SMAD1: variants seen among roughly 807,000 people sequenced by gnomAD.
The protein encoded by SMAD1 is MAD, mothers against decapentaplegic homolog 1.
Under a neutral mutation model 41.6 loss-of-function variants are expected in SMAD1, and 6 were observed. That is an observed-to-expected ratio of 0.14 (90% CI 0.08 to 0.28). The LOEUF is 0.28. Ranked by LOEUF, SMAD1 falls within the 10% of genes least tolerant of loss-of-function variation. The pLI, the probability that SMAD1 is intolerant of heterozygous loss-of-function variation, is 1.00. For synonymous variants in SMAD1, 206 were observed against 203.2 expected, an observed-to-expected ratio of 1.01 and a Z score of -0.12; for missense variants, 379 against 582.6, an observed-to-expected ratio of 0.65 and a Z score of 3.60.
chr4:145,549,113 G>A (rs1324540718), intron 5 of SMAD1, among the ~76,000 whole-genome samples: 1 of 152,114 alleles, frequency 6.6e-6, no homozygotes, highest in Non-Finnish European at 1.5e-5. Context: ...AAAAGACAAA[G>A]GTATGGAAAT....
chr4:145,537,970 T>G (rs538469038), intron 2 of SMAD1, among the ~76,000 whole-genome samples: 2 of 152,294 alleles, frequency 1.3e-5, no homozygotes, highest in South Asian at 4.1e-4. Flanking sequence ...GCGTGTGTGT[T>G]GTGAGAGGGA....
chr4:145,556,458 C>CT (rs1347074022), intron 6 of SMAD1, among the ~76,000 whole-genome samples: 1 of 151,480 alleles, frequency 6.6e-6, no homozygotes, highest in African/African-American at 2.4e-5. Flanking sequence ...CTTTTTTCTT[C>CT]TTTTTTTTCT....
chr4:145,526,153 A>G (rs969452207), intron 2 of SMAD1, among the ~76,000 whole-genome samples: 3 of 152,220 alleles, frequency 2.0e-5, no homozygotes, highest in African/African-American at 7.2e-5. Flanking sequence ...CTAATTGCCC[A>G]GTGGCCTGTC....
chr4:145,538,733 A>G (rs896152342), intron 2 of SMAD1, among the ~76,000 whole-genome samples: 7 of 152,160 alleles, frequency 4.6e-5, no homozygotes, highest in African/African-American at 9.7e-5. Flanking sequence ...CCTCTCATGC[A>G]GTTTATGAAA....
In SMAD1 at chr4:145,546,683, TA is replaced by T; in HGVS notation, c.776-18del. On this transcript the variant is annotated intron_variant, in intron 4 of 6. Coordinates refer to ENST00000302085, the MANE Select transcript of SMAD1 (RefSeq NM_005900.3). ...CCTGAGGCACTAACCTTGGTTGATA[TA>T]ACATTTTCTTTCCTCTAGATGTTCA... 1 of 1,584,678 alleles carries T rather than the reference TA, an allele frequency of 6.3e-7. No homozygotes were observed. Among genetic ancestry groups the T allele is most frequent in the Non-Finnish European group, 8.7e-7 (1 of 1,154,768 alleles).
intron 1 of SMAD1, among the ~76,000 whole-genome samples, chr4:145,511,276 T>A (rs948511682): frequency 2.7e-5 from 4 of 146,184 alleles, no homozygotes; most frequent in Admixed American, 6.6e-5. Flanking sequence ...TAATCATTTT[T>A]AAAATTTTTA....
chr4:145,549,497 A>G (rs559138433), intron 5 of SMAD1, among the ~76,000 whole-genome samples: 1 of 152,210 alleles, frequency 6.6e-6, no homozygotes, highest in Non-Finnish European at 1.5e-5. Flanking sequence ...AGCAGTGGGG[A>G]AGGAGAGCCC....
intron 5 of SMAD1, among the ~76,000 whole-genome samples, chr4:145,551,235 C>A (rs1400120750): frequency 6.6e-6 from 1 of 152,126 alleles, no homozygotes; most frequent in African/African-American, 2.4e-5. Flanking sequence ...TGAAGCATAG[C>A]AAATCAGTAG....
intron 1 of SMAD1, among the ~76,000 whole-genome samples, chr4:145,507,513 T>C (rs564458182): frequency 1.3e-5 from 2 of 152,218 alleles, no homozygotes; most frequent in Admixed American, 6.5e-5. Context: ...TCTCTTTTTT[T>C]CCCTATTATA....
chr4:145,532,117 G>A (rs1401011517), intron 2 of SMAD1, among the ~76,000 whole-genome samples: 1 of 152,136 alleles, frequency 6.6e-6, no homozygotes, highest in East Asian at 1.9e-4. Flanking sequence ...ATGCTTTTCC[G>A]TGTACCTTAG....
intron 2 of SMAD1, among the ~76,000 whole-genome samples, chr4:145,529,522 C>T (rs1461320021): frequency 6.6e-6 from 1 of 152,174 alleles, no homozygotes; most frequent in South Asian, 2.1e-4. Flanking sequence ...CAGCTAAGAC[C>T]GTGGGCTATC....
chr4:145,515,170 G>GTGTGTGTC (rs1553945853), intron 2 of SMAD1, among the ~76,000 whole-genome samples, 157 bp downstream of exon 2: 2,120 of 149,936 alleles, frequency 0.014, 28 homozygotes, highest in South Asian at 0.026. Context: ...GTGTGTGTGT[G>GTGTGTGTC]TGTGTGTCTG....
At chr4:145,495,762 T>C in intron 1 of SMAD1, among the ~76,000 whole-genome samples, 1 of 148,266 alleles carries the variant, frequency 6.7e-6, no homozygotes, top group Non-Finnish European at 1.5e-5. Flanking sequence ...ACTACAGGCA[T>C]GCACCACAGT....
At chr4:145,551,076 A>G (rs1732532455) in intron 5 of SMAD1, among the ~76,000 whole-genome samples, 1 of 152,228 alleles carries the variant, frequency 6.6e-6, no homozygotes, top group Non-Finnish European at 1.5e-5. Context: ...AAGTGAGGCT[A>G]GCTAACTTTG....
chr4:145,499,206 A>G (rs1450923498), intron 1 of SMAD1, among the ~76,000 whole-genome samples: 1 of 152,238 alleles, frequency 6.6e-6, no homozygotes, highest in Non-Finnish European at 1.5e-5. Flanking sequence ...TGAAAATTCA[A>G]AATGCTCCAA....
In SMAD1 at chr4:145,554,031, C is replaced by T; in HGVS notation, c.1245C>T (p.Ser415=). The change falls in exon 6 of 7, where the codon AGC becomes AGT. Residue 415 remains serine (S), a synonymous_variant. Transcript: ENST00000302085. ...ELTKMCTIRM[S]FVKGWGAEYH... is the part of the protein sequence containing the mutation. ...CAAAAATGTGTACTATACGTATGAG[C>T]TTTGTGAAGGTAAGTGAGCTCCGAC... The T allele has an allele frequency of 3.1e-6, 5 of 1,609,370 alleles. No homozygotes were observed. The highest frequency in any genetic ancestry group is 3.4e-6 in the Non-Finnish European group (4 of 1,177,906).
chr4:145,533,374 C>T (rs914406386), intron 2 of SMAD1, among the ~76,000 whole-genome samples: 3 of 152,214 alleles, frequency 2.0e-5, no homozygotes, highest in African/African-American at 7.2e-5. Flanking sequence ...CAAGCTAGAA[C>T]TTACAGACAC....
intron 5 of SMAD1, among the ~76,000 whole-genome samples, chr4:145,551,780 G>A (rs1351868892): frequency 7.9e-5 from 12 of 152,180 alleles, no homozygotes; most frequent in Non-Finnish European, 4.4e-5. Flanking sequence ...AATGAGAAAA[G>A]CATTCCTACA....
chr4:145,551,263 A>G (rs1029504601), intron 5 of SMAD1, among the ~76,000 whole-genome samples: 2 of 152,230 alleles, frequency 1.3e-5, no homozygotes, highest in African/African-American at 4.8e-5. Context: ...TAATGGTTCT[A>G]CAATAACCAA....
Sources: gnomAD v4.1 joint callset for allele counts (sites outside exome capture counted in the v4.1 genomes callset) on GRCh38, gnomAD v4.1.1 for gene constraint, MANE v1.5 for transcripts, NCBI Gene and HGNC (gene_info 2026-07-23, HGNC 2026-07-21) for gene names.